Variants in NRP1 observed in about 807,000 individuals in gnomAD.
NRP1 encodes the protein neuropilin-1.
A neutral mutation model predicts 106.7 loss-of-function variants in NRP1; 35 were observed. The ratio of observed to expected loss-of-function variants is 0.33; its 90% confidence interval spans 0.25 to 0.43. The LOEUF is 0.43. NRP1 is among the 20% of genes least tolerant of loss of function. The probability of loss-of-function intolerance (pLI) is 1.00; values close to 1 mark genes in which losing one functional copy is unlikely to be tolerated. For missense variants in NRP1, 1,024 were observed against 1,170.4 expected (o/e 0.87, Z 1.83); for synonymous variants, 437 against 417.9 (o/e 1.05, Z -0.56).
chr10:33,327,090 G>T (rs1007637966), intron 2 of NRP1, among the ~76,000 whole-genome samples: 2 of 152,054 alleles, frequency 1.3e-5, no homozygotes, highest in African/African-American at 4.8e-5. Context: ...CTAAGGCATC[G>T]ATTTCTTAAG....
chr10:33,203,726 T>TGAAGTCCTTTAAA (rs1837530728), intron 10 of NRP1, among the ~76,000 whole-genome samples: 2 of 53,570 alleles, frequency 3.7e-5, no homozygotes, highest in South Asian at 6.6e-4. Context: ...AGACTGCTTT[T>TGAAGTCCTTTAAA]TTTTTTTTTT....
chr10:33,302,509 T>A (rs1845872719), intron 2 of NRP1, among the ~76,000 whole-genome samples: 1 of 152,244 alleles, frequency 6.6e-6, no homozygotes, highest in Non-Finnish European at 1.5e-5. Context: ...GCCACTCTTA[T>A]TTTCCAGATG....
intron 3 of NRP1, among the ~76,000 whole-genome samples, chr10:33,268,159 C>CAT (rs772507694): frequency 2.4e-4 from 36 of 152,164 alleles, no homozygotes; most frequent in South Asian, 2.1e-3. Flanking sequence ...TGTGTGTATA[C>CAT]ATATATATAT....
chr10:33,256,289 G>A, intron 5 of NRP1, 27 bp downstream of exon 5: 1 of 1,611,354 alleles, frequency 6.2e-7, no homozygotes, highest in South Asian at 1.1e-5. Context: ...TTTACCACAG[G>A]GCTTTGCAAA....
At chr10:33,294,502 C>T (rs1845236091) in intron 2 of NRP1, among the ~76,000 whole-genome samples, 3 of 151,832 alleles carry the variant, frequency 2.0e-5, no homozygotes, top group Middle Eastern at 3.4e-3. Context: ...CCTGTAATCC[C>T]AGCTACTCGG....
At chr10:33,254,659 C>T (rs1842081918) in intron 5 of NRP1, among the ~76,000 whole-genome samples, 1 of 152,124 alleles carries the variant, frequency 6.6e-6, no homozygotes, top group Admixed American at 6.5e-5. Context: ...AACTTAACTC[C>T]CTGTCTTTCA....
At chr10:33,218,926 G>A (rs371889308) in intron 8 of NRP1, among the ~76,000 whole-genome samples, 32 of 152,274 alleles carry the variant, frequency 2.1e-4, no homozygotes, top group African/African-American at 7.7e-4. Flanking sequence ...AACAGAAAAT[G>A]AGGCAAACAG....
chr10:33,259,918 A>G (rs1588868168), intron 4 of NRP1, among the ~76,000 whole-genome samples: 2 of 152,142 alleles, frequency 1.3e-5, no homozygotes, highest in Non-Finnish European at 2.9e-5. Flanking sequence ...GCGGTGGCGC[A>G]ATCATGGCTC....
In NRP1 at chr10:33,180,305, C is replaced by T. The variant is rs774860746; in HGVS notation, c.2543G>A (p.Gly848Asp). 9.9e-6 allele frequency: 16 copies of T among 1,608,538 alleles called. No homozygotes were observed. The highest frequency in any genetic ancestry group is 1.3e-5 in the Non-Finnish European group (15 of 1,175,616). Residue 848 changes from glycine to aspartate, a missense_variant, in exon 17 of 17, where the codon GGC (glycine) becomes GAC (aspartate). By Grantham distance (94) the Gly-to-Asp change is moderately conservative. Around this residue, in one of 5 missense-constraint regions of NRP1, gnomAD observed 164 missense variants for 161.4 expected, o/e 1.02. Coordinates refer to ENST00000374867, the MANE Select transcript of NRP1 (RefSeq NM_003873.7). ...GGGGTCTAAGGTCTTCAACACATTGCCTGGCTTCCTGGAGATGTTCTTGTC... is the reference window on the plus strand; with the variant it reads ...GGGGTCTAAGGTCTTCAACACATTGTCTGGCTTCCTGGAGATGTTCTTGTC... ...EGDKNISRKP[G>D]NVLKTLDPIL...
intron 2 of NRP1, among the ~76,000 whole-genome samples, chr10:33,288,070 T>C (rs1844710607): frequency 6.6e-6 from 1 of 152,180 alleles, no homozygotes; most frequent in Admixed American, 6.5e-5. Flanking sequence ...TGAACTTTGA[T>C]GACAGTCCTA....
intron 11 of NRP1, among the ~76,000 whole-genome samples, chr10:33,200,359 C>T (rs1430321751): frequency 6.6e-6 from 1 of 152,086 alleles, no homozygotes; most frequent in Non-Finnish European, 1.5e-5. Flanking sequence ...AGCATTTTCA[C>T]CTTGGCTAGC....
At chr10:33,202,308 A>G (rs886681722) in intron 11 of NRP1, 9 of 211,064 alleles carry the variant, frequency 4.3e-5, no homozygotes, top group Admixed American at 3.7e-4. Context: ...CTCTAGATTA[A>G]TTAGTGAGAC....
chr10:33,297,648 C>G (rs1845502820), intron 2 of NRP1, among the ~76,000 whole-genome samples: 1 of 144,910 alleles, frequency 6.9e-6, no homozygotes, highest in East Asian at 2.0e-4. Context: ...GACTGTGCCA[C>G]TGCACTCCAG....
At chr10:33,278,865 T>C (rs1288714738) in intron 2 of NRP1, among the ~76,000 whole-genome samples, 26 of 152,190 alleles carry the variant, frequency 1.7e-4, no homozygotes, top group Admixed American at 1.7e-3. Context: ...AATTTTATTG[T>C]CACTAAGAAA....
At chr10:33,186,515 G>A in intron 13 of NRP1, 27 bp from the exon 14 acceptor site, 3 of 1,585,370 alleles carry the variant, frequency 1.9e-6, no homozygotes, top group Non-Finnish European at 2.6e-6. Context: ...CTGTGTTAGG[G>A]AGAGTGGCCA....
At chr10:33,187,788 G>A (rs747675712) in intron 13 of NRP1, among the ~76,000 whole-genome samples, 4 of 152,172 alleles carry the variant, frequency 2.6e-5, no homozygotes, top group Non-Finnish European at 5.9e-5. Flanking sequence ...GTGTTTGCAA[G>A]GTGCTTTCTC....
At chr10:33,192,227 T>G in intron 13 of NRP1, 54 bp downstream of exon 13, 2 of 1,578,128 alleles carry the variant, frequency 1.3e-6, no homozygotes, top group South Asian at 1.2e-5. Context: ...TAACACAGCC[T>G]CGGAATCAAA....
At chr10:33,263,612 C>T in intron 4 of NRP1, 34 bp downstream of exon 4, 1 of 1,532,742 alleles carries the variant, frequency 6.5e-7, no homozygotes, top group Non-Finnish European at 9.0e-7. Context: ...CCTCCAGAAC[C>T]TTCCCTTTTT....
intron 9 of NRP1, chr10:33,213,178 G>A (rs755741895): frequency 7.3e-7 from 1 of 1,368,446 alleles, no homozygotes; most frequent in East Asian, 2.5e-5. Flanking sequence ...GACCAGCAAT[G>A]CAATTCTTTT....
Sources: allele counts gnomAD v4.1 joint callset (sites outside exome capture counted in the v4.1 genomes callset), GRCh38; gene constraint gnomAD v4.1.1; regional missense constraint gnomAD v4.1.1; transcripts MANE v1.5; gene names NCBI Gene and HGNC (gene_info 2026-07-23, HGNC 2026-07-21).